Variants in SPATA13 observed in about 807,000 individuals in gnomAD.
SPATA13 encodes the protein spermatogenesis associated 13, also known as spermatogenesis-associated protein 13.
In SPATA13, 50 loss-of-function variants were observed where a neutral mutation model predicts 104.0. The observed-to-expected ratio is 0.48, with a 90% confidence interval of 0.38 to 0.61. SPATA13 has a LOEUF of 0.61. Among genes scored for constraint, SPATA13 ranks in the 20% least tolerant of loss-of-function variants. The pLI, the probability that SPATA13 is intolerant of heterozygous loss-of-function variation, is 0.00. For synonymous variants in SPATA13, 606 were observed against 667.5 expected, an observed-to-expected ratio of 0.91 and a Z score of 1.42; for missense variants, 1,524 against 1,690.6, an observed-to-expected ratio of 0.90 and a Z score of 1.73.
chr13:23,996,771 G>C (rs1875715642), intron 2 of SPATA13, among the ~76,000 whole-genome samples: 1 of 152,218 alleles, frequency 6.6e-6, no homozygotes, highest in African/African-American at 2.4e-5. Context: ...TTTAACAAGA[G>C]GCTGCCAGCG....
At chr13:24,046,347 C>T (rs9580846) in intron 3 of SPATA13, among the ~76,000 whole-genome samples, 69,663 of 147,482 alleles carry the variant, frequency 0.47, 17,163 homozygotes, top group African/African-American at 0.6. Context: ...GGCTGGAGTG[C>T]AGTGGTGTGA....
At chr13:24,067,223 G>A (rs1238537874) in intron 3 of SPATA13, among the ~76,000 whole-genome samples, 2 of 152,102 alleles carry the variant, frequency 1.3e-5, no homozygotes, top group Admixed American at 6.5e-5. Context: ...ATCCCTGATT[G>A]GAACTCCACT....
chr13:24,116,772 C>T (rs10047720), intron 3 of SPATA13, among the ~76,000 whole-genome samples: 72,696 of 124,102 alleles, frequency 0.59, 19,294 homozygotes, highest in East Asian at 0.68. Context: ...CCTACCAGCC[C>T]CCCCCCCCCA....
chr13:24,035,355 T>C (rs370723052), intron 3 of SPATA13, among the ~76,000 whole-genome samples: 39 of 152,290 alleles, frequency 2.6e-4, no homozygotes, highest in African/African-American at 9.1e-4. Flanking sequence ...GGTTTTGCCA[T>C]GTGGGCCAGG....
intron 2 of SPATA13, among the ~76,000 whole-genome samples, chr13:24,234,957 T>A (rs974270614): frequency 5.3e-5 from 8 of 152,220 alleles, no homozygotes; most frequent in African/African-American, 1.9e-4. Context: ...TACTTAAGCC[T>A]CAACTTCTTA....
In SPATA13 at chr13:24,205,681, C is replaced by T. The variant is rs904241817; in HGVS notation, c.-111-17138C>T. 6.6e-6 allele frequency among the ~76,000 whole-genome samples: 1 copy of T among 152,186 alleles called. No individual in the cohort carries two copies. Among genetic ancestry groups the T allele is most frequent in the African/African-American group, 2.4e-5 (1 of 41,448 alleles). On this transcript the variant is annotated intron_variant, in intron 1 of 12. Coordinates refer to ENST00000382108, the MANE Select transcript of SPATA13 (RefSeq NM_001166271.3). The surrounding 1 kb of genome is among the most constrained non-coding windows in gnomAD (Gnocchi z 4.1). ...AGGCATCACTTTACCCAACTTCAAA[C>T]TATACTACAGGGTGACAGTAACCAA...
intron 1 of SPATA13, among the ~76,000 whole-genome samples, chr13:24,208,488 A>G (rs959290611): frequency 1.3e-5 from 2 of 152,008 alleles, no homozygotes; most frequent in Non-Finnish European, 2.9e-5. Flanking sequence ...TGAGTTCTCC[A>G]AGAGTGATTT....
At chr13:24,029,796 C>T (rs1449888402) in intron 3 of SPATA13, among the ~76,000 whole-genome samples, 1 of 151,994 alleles carries the variant, frequency 6.6e-6, no homozygotes, top group East Asian at 1.9e-4. Context: ...CTCCGATAGG[C>T]CCCAGTGTGT....
intron 3 of SPATA13, among the ~76,000 whole-genome samples, chr13:24,056,933 A>C (rs1313866287): frequency 5.0e-5 from 7 of 139,726 alleles, no homozygotes; most frequent in Admixed American, 3.6e-4. Context: ...CAATGAATGG[A>C]GATTTATTAG....
At chr13:24,059,580 C>T (rs1233152929) in intron 3 of SPATA13, among the ~76,000 whole-genome samples, 2 of 152,212 alleles carry the variant, frequency 1.3e-5, no homozygotes, top group Admixed American at 1.3e-4. Flanking sequence ...CTATTATATG[C>T]TGAGGACAGA....
intron 2 of SPATA13, among the ~76,000 whole-genome samples, chr13:24,001,752 G>A (rs1420338989): frequency 1.3e-5 from 2 of 152,004 alleles, no homozygotes; most frequent in Admixed American, 1.3e-4. Context: ...GAACCTGATG[G>A]GTTGAAGAAG....
chr13:24,167,030 C>T (rs1882763832), intron 1 of SPATA13, among the ~76,000 whole-genome samples: 1 of 152,228 alleles, frequency 6.6e-6, no homozygotes, highest in South Asian at 2.1e-4. Context: ...CCTTTAAATA[C>T]ATTGGTGCCT....
intron 2 of SPATA13, among the ~76,000 whole-genome samples, chr13:24,005,574 A>C (rs894802788): frequency 1.7e-4 from 26 of 152,076 alleles, no homozygotes; most frequent in African/African-American, 5.8e-4. Context: ...TTCCCTGGTA[A>C]AGGGATGAAC....
At chr13:24,078,202 GA>G in intron 3 of SPATA13, among the ~76,000 whole-genome samples, 1 of 152,258 alleles carries the variant, frequency 6.6e-6, no homozygotes, top group African/African-American at 2.4e-5. Context: ...TCAGCCAAGA[GA>G]CTTGGTGCTG....
rs1247786846 is a variant in SPATA13, at chr13:24,024,548, G to A, written c.-112+6847G>A. On this transcript the variant is annotated intron_variant, in intron 3 of 14. Transcript: ENST00000424834. ...TCCCTCTGAGTCCCATGCCACCAGGGCCCTGCTGGTGGCCACACAGCACGG... is the reference window on the plus strand; with the variant it reads ...TCCCTCTGAGTCCCATGCCACCAGGACCCTGCTGGTGGCCACACAGCACGG... Among the ~76,000 whole-genome samples, 4 of 152,070 alleles carry A rather than the reference G, an allele frequency of 2.6e-5. No homozygotes were observed. In the East Asian group the frequency reaches 7.7e-4, roughly 29 times the overall value.
chr13:24,013,554 C>CT (rs1486091751), intron 2 of SPATA13, among the ~76,000 whole-genome samples: 1 of 152,188 alleles, frequency 6.6e-6, no homozygotes, highest in African/African-American at 2.4e-5. Context: ...TAAAAAGGTA[C>CT]TTTTTTCCTG....
chr13:24,298,253 G>A (rs1876932925), intron 11 of SPATA13, among the ~76,000 whole-genome samples: 1 of 152,182 alleles, frequency 6.6e-6, no homozygotes, highest in South Asian at 2.1e-4. Context: ...CCCTTTGGCT[G>A]TGCCTGTGCA....
In SPATA13 at chr13:24,223,771, A is replaced by G; in HGVS notation, c.842A>G (p.His281Arg). 1.3e-6 allele frequency: 2 copies of G among 1,551,900 alleles called. No individual in the cohort carries two copies. The highest frequency in any genetic ancestry group is 8.7e-7 in the Non-Finnish European group (1 of 1,147,024). Residue 281 changes from histidine (H) to arginine (R), a missense_variant, in exon 2 of 13, where the codon CAT (histidine) becomes CGT (arginine). His to Arg is a conservative substitution (Grantham distance 29). This residue lies in a region of SPATA13 where 1,089 missense variants were observed against 1,135.9 expected (regional missense o/e 0.96). Transcript: ENST00000382108. ...AATCTTGCAGACCTCAGGACGGCCC[A>G]TGACGCACGGGTACCACAGAGGACC... ...TSNLADLRTAHDARVPQRTLS... is the reference protein window; with the variant it reads ...TSNLADLRTARDARVPQRTLS...
intron 3 of SPATA13, among the ~76,000 whole-genome samples, chr13:24,140,410 A>G (rs1881724856): frequency 6.6e-6 from 1 of 152,198 alleles, no homozygotes. Context: ...TGGAAGTGGA[A>G]CTAGTAATTC....
Sources: allele counts gnomAD v4.1 joint callset (sites outside exome capture counted in the v4.1 genomes callset), GRCh38; gene constraint gnomAD v4.1.1; regional missense constraint gnomAD v4.1.1; non-coding constraint Gnocchi (gnomAD v3.1); transcripts MANE v1.5; gene names NCBI Gene and HGNC (gene_info 2026-07-23, HGNC 2026-07-21).